NINJ2: variants seen among roughly 807,000 people sequenced by gnomAD.
NINJ2 encodes ninjurin 2.
Under a neutral mutation model 11.7 loss-of-function variants are expected in NINJ2, and 12 were observed. The observed-to-expected ratio is 1.02, with a 90% confidence interval of 0.66 to 1.66. NINJ2 has a LOEUF of 1.66. Ranked by LOEUF, NINJ2 falls within the 40% of genes most tolerant of loss-of-function variation. The probability of loss-of-function intolerance (pLI) is 0.00; values close to 1 mark genes in which losing one functional copy is unlikely to be tolerated. For missense variants in NINJ2, 187 were observed against 181.8 expected (o/e 1.03, Z -0.16); for synonymous variants, 93 against 76.8 (o/e 1.21, Z -1.10).
At chr12:605,246 T>C (rs1331318067) in intron 1 of NINJ2, among the ~76,000 whole-genome samples, 3 of 152,220 alleles carry the variant, frequency 2.0e-5, no homozygotes, top group African/African-American at 4.8e-5. Context: ...CTGTGCATCA[T>C]GGGGAGAGGG....
chr12:629,416 G>A lies in NINJ2; in HGVS notation c.33+33912C>T, dbSNP rs186917258. Among the ~76,000 whole-genome samples, 10 of 152,242 alleles carry A rather than the reference G, an allele frequency of 6.6e-5. No individual in the cohort carries two copies. In the East Asian group the frequency reaches 1.5e-3, roughly 24 times the overall value. On this transcript the variant is annotated intron_variant, in intron 1 of 3. Transcript: ENST00000305108. ...TGGGTGGAGGGAGCACAGGTCCAAT[G>A]GCGGGGAGAGTACAGTACAACCCAG... is the stretch of plus-strand genomic sequence containing the variant.
chr12:621,472 G>A (rs1284635056), intron 1 of NINJ2, among the ~76,000 whole-genome samples: 1 of 147,416 alleles, frequency 6.8e-6, no homozygotes, highest in Non-Finnish European at 1.5e-5. Flanking sequence ...GAAAGAAAAA[G>A]AAAAAAAAAG....
chr12:603,566 T>A (rs938902753), intron 1 of NINJ2, among the ~76,000 whole-genome samples: 1 of 152,266 alleles, frequency 6.6e-6, no homozygotes, highest in South Asian at 2.1e-4. Context: ...CCATTTTGAA[T>A]TAATTTTTGC....
intron 1 of NINJ2, among the ~76,000 whole-genome samples, chr12:611,267 T>TC (rs1440796115): frequency 1.7e-5 from 2 of 115,630 alleles, no homozygotes; most frequent in African/African-American, 7.0e-5. Context: ...CTTTCTTTCT[T>TC]TCTTTCTCTC....
intron 1 of NINJ2, among the ~76,000 whole-genome samples, chr12:603,312 G>A (rs906102824): frequency 2.0e-5 from 3 of 152,220 alleles, no homozygotes; most frequent in East Asian, 1.9e-4. Flanking sequence ...TATATATTCT[G>A]TATACAAGTC....
intron 1 of NINJ2, among the ~76,000 whole-genome samples, chr12:568,446 C>G (rs1317977414): frequency 6.6e-6 from 1 of 152,200 alleles, no homozygotes; most frequent in Non-Finnish European, 1.5e-5. Context: ...GCCCTTTGCT[C>G]TGTTTGCCAG....
intron 1 of NINJ2, among the ~76,000 whole-genome samples, chr12:583,983 C>T (rs553336001): frequency 1.4e-4 from 22 of 152,072 alleles, no homozygotes; most frequent in Admixed American, 2.0e-4. Context: ...CGTCTTGAGG[C>T]GATAGGATAT....
At chr12:606,092 G>C (rs567012663) in intron 1 of NINJ2, among the ~76,000 whole-genome samples, 1 of 152,164 alleles carries the variant, frequency 6.6e-6, no homozygotes, top group South Asian at 2.1e-4. Context: ...GGCTTGTCTA[G>C]AACTCCTGGC....
intron 1 of NINJ2, among the ~76,000 whole-genome samples, chr12:629,018 C>T (rs769480005): frequency 1.3e-5 from 2 of 152,152 alleles, no homozygotes; most frequent in Non-Finnish European, 2.9e-5. Flanking sequence ...AACCAGCAGC[C>T]CTCAGGGTTG....
At chr12:593,521 T>C (rs1409416509) in intron 1 of NINJ2, among the ~76,000 whole-genome samples, 1 of 152,078 alleles carries the variant, frequency 6.6e-6, no homozygotes, top group East Asian at 1.9e-4. Context: ...AGGTTGAGAC[T>C]AGCCTGGGCA....
At chr12:647,722 C>CG (rs1245839028) in intron 1 of NINJ2, among the ~76,000 whole-genome samples, 1 of 152,168 alleles carries the variant, frequency 6.6e-6, no homozygotes, top group Non-Finnish European at 1.5e-5. Context: ...TAGTATGCAT[C>CG]GGGATCACCA....
intron 1 of NINJ2, among the ~76,000 whole-genome samples, chr12:590,011 A>G (rs993887561): frequency 1.3e-5 from 2 of 152,182 alleles, no homozygotes; most frequent in African/African-American, 4.8e-5. Context: ...GGAGGGGCTG[A>G]TGAGGCACTT....
rs1947561682 is a variant in NINJ2, at chr12:581,928, CA to C, written c.34-15751del. Among the ~76,000 whole-genome samples, 1 of 152,170 alleles carries C rather than the reference CA, an allele frequency of 6.6e-6. No individual in the cohort carries two copies. The highest frequency in any genetic ancestry group is 2.4e-5 in the African/African-American group (1 of 41,432). On this transcript the variant is annotated intron_variant, in intron 1 of 3. Transcript: ENST00000305108. This position sits in a 1 kb window ranked among gnomAD's most constrained non-coding sequence, Gnocchi z 4.9. Reference sequence around the variant, plus strand: ...AGATTCTCCGCGGACGCTGAACACACAAAAAGCCCAGCCCTGGAGGGATTCC... The same window carrying C: ...AGATTCTCCGCGGACGCTGAACACACAAAAGCCCAGCCCTGGAGGGATTCC...
intron 1 of NINJ2, among the ~76,000 whole-genome samples, chr12:609,266 ACGGCGCC>A: frequency 9.9e-6 from 1 of 101,210 alleles, no homozygotes; most frequent in African/African-American, 4.2e-5. Flanking sequence ...GTACGCACGC[ACGGCGCC>A]ACGCGCTAGG....
intron 1 of NINJ2, chr12:645,046 C>T (rs929424361): frequency 2.2e-4 from 33 of 152,312 alleles, no homozygotes; most frequent in Middle Eastern, 3.4e-3. Context: ...GACAATCTCT[C>T]TTTAGTGCCA....
In NINJ2 at chr12:566,153, T is replaced by C. The variant is rs1947298973; in HGVS notation, c.59A>G (p.Gln20Arg). 2 of 1,613,908 alleles carry C rather than the reference T, an allele frequency of 1.2e-6. No individual in the cohort carries two copies. The highest frequency in any genetic ancestry group is 2.2e-5 in the East Asian group (1 of 44,886). ...LQPGSSDPRS[Q>R]PINLNHYATK... ...GGCGTAATGGTTCAGGTTGATGGGC[T>C]GGCTCCTGGGGTCGGAGCTTCCAGG... The change falls in exon 2 of 4, where the codon CAG becomes CGG. Residue 20 changes from glutamine (Q) to arginine (R), a missense_variant. Gln to Arg is a conservative substitution (Grantham distance 43, BLOSUM62 1). Coordinates refer to ENST00000305108, the MANE Select transcript of NINJ2 (RefSeq NM_016533.6).
chr12:627,994 C>T (rs537134194), intron 1 of NINJ2, among the ~76,000 whole-genome samples: 2 of 152,302 alleles, frequency 1.3e-5, no homozygotes, highest in African/African-American at 4.8e-5. Flanking sequence ...GTCCCTGTCC[C>T]TGCCGCATCC....
rs111778018 is a variant in NINJ2 at position 662,409 on chromosome 12, C to CGAGAGA, written c.33+913_33+918dup. Among the ~76,000 whole-genome samples, 102 of 147,518 alleles carry CGAGAGA rather than the reference C, an allele frequency of 6.9e-4. 1 individual carries two copies. The highest frequency in any genetic ancestry group is 3.4e-3 in the East Asian group (17 of 5,062). ...CCCTGCCCAAAACACACACAGAGAA[C>CGAGAGA]GAGAGAGAGAGAGAGAGAGAGAGAC... On this transcript the variant is annotated intron_variant, in intron 1 of 3. Coordinates refer to ENST00000305108, the MANE Select transcript of NINJ2 (RefSeq NM_016533.6).
intron 1 of NINJ2, among the ~76,000 whole-genome samples, chr12:647,234 C>T (rs1183259295): frequency 2.0e-5 from 3 of 152,222 alleles, no homozygotes; most frequent in South Asian, 2.1e-4. Flanking sequence ...TCTCCTGAGA[C>T]GCAAGGCTGG....
Sources: gnomAD v4.1 joint callset for allele counts (sites outside exome capture counted in the v4.1 genomes callset) on GRCh38, gnomAD v4.1.1 for gene constraint, Gnocchi (gnomAD v3.1) non-coding constraint, MANE v1.5 for transcripts, NCBI Gene and HGNC (gene_info 2026-07-23, HGNC 2026-07-21) for gene names.